Variants in MSI2 observed in about 807,000 individuals in gnomAD.
MSI2 encodes the protein musashi RNA binding protein 2.
MSI2 carries 17 observed loss-of-function variants against 45.6 expected under a neutral mutation model. The observed-to-expected ratio is 0.37, with a 90% confidence interval of 0.26 to 0.56. MSI2 has a LOEUF of 0.56. Among genes scored for constraint, MSI2 ranks in the 20% least tolerant of loss-of-function variants. The pLI, the probability that MSI2 is intolerant of heterozygous loss-of-function variation, is 0.77. For missense variants in MSI2, 293 were observed against 444.2 expected, an observed-to-expected ratio of 0.66 and a Z score of 3.06; for synonymous variants, 156 against 158.2, an observed-to-expected ratio of 0.99 and a Z score of 0.11.
At chr17:57,410,301 G>A (rs959133371) in intron 6 of MSI2, among the ~76,000 whole-genome samples, 1 of 151,488 alleles carries the variant, frequency 6.6e-6, no homozygotes, top group Non-Finnish European at 1.5e-5. Context: ...TCCTTCCTGC[G>A]TGCTCCAGAA....
intron 5 of MSI2, among the ~76,000 whole-genome samples, chr17:57,313,483 C>T (rs1021640528): frequency 6.6e-6 from 1 of 152,198 alleles, no homozygotes; most frequent in Non-Finnish European, 1.5e-5. Flanking sequence ...CCAGCTGCCT[C>T]TGAGGGCTGG....
intron 11 of MSI2, among the ~76,000 whole-genome samples, chr17:57,660,425 G>C (rs1052875921): frequency 5.3e-5 from 8 of 152,202 alleles, no homozygotes; most frequent in African/African-American, 1.7e-4. Flanking sequence ...ATGCTGATAA[G>C]AGGGGAAAAG....
In MSI2 at chr17:57,676,999, G is replaced by A. The variant is rs759553636; in HGVS notation, c.958G>A (p.Ala320Thr). The change falls in exon 13 of 14, where the codon GCA becomes ACA. Residue 320 changes from alanine (A) to threonine (T), a missense_variant. By Grantham distance (58) the Ala-to-Thr change is moderately conservative (BLOSUM62 0). Coordinates refer to ENST00000284073, the MANE Select transcript of MSI2 (RefSeq NM_138962.4). Reference sequence around the variant, plus strand: ...TGTGCAATTTTAGGGACCTTTGATTGCAACGGCCTTTACAAATGGATACCA... The same window carrying A: ...TGTGCAATTTTAGGGACCTTTGATTACAACGGCCTTTACAAATGGATACCA... ...FGHGIAGPLI[A>T]TAFTNGYH 9.9e-6 allele frequency: 16 copies of A among 1,612,706 alleles called. No individual in the cohort carries two copies. The East Asian group carries it at 3.3e-4, about 34-fold the overall frequency.
At chr17:57,527,681 C>T (rs978202386) in intron 6 of MSI2, among the ~76,000 whole-genome samples, 22 of 152,238 alleles carry the variant, frequency 1.4e-4, no homozygotes, top group African/African-American at 5.1e-4. Context: ...CCTGTTTGTT[C>T]AGGCTTGGTT....
intron 11 of MSI2, among the ~76,000 whole-genome samples, chr17:57,672,113 C>G (rs1828881177): frequency 6.6e-6 from 1 of 152,220 alleles, no homozygotes; most frequent in Admixed American, 6.5e-5. Flanking sequence ...GTCTTTCACC[C>G]CTGGCTGGGG....
chr17:57,398,584 T>A (rs1183595473), intron 5 of MSI2, among the ~76,000 whole-genome samples: 1 of 151,912 alleles, frequency 6.6e-6, no homozygotes, highest in African/African-American at 2.4e-5. Context: ...TCGCTGCGTG[T>A]TTGGTTCTGA....
Position 57,328,923 on chromosome 17 carries a change from G to T in MSI2, c.312+66731G>T, listed in dbSNP as rs561573428. Among the ~76,000 whole-genome samples the T allele has an allele frequency of 5.3e-5, 8 of 152,188 alleles. No homozygotes were observed. The East Asian group carries it at 1.5e-3, about 29-fold the overall frequency. Reference sequence around the variant, plus strand: ...CTGATTCCTCAGTCATTAGGTTTTGGGGGCCCCGATAGGAATATAAATTCA... The same window carrying T: ...CTGATTCCTCAGTCATTAGGTTTTGTGGGCCCCGATAGGAATATAAATTCA... On this transcript the variant is annotated intron_variant, in intron 5 of 13. Coordinates refer to ENST00000284073, the MANE Select transcript of MSI2 (RefSeq NM_138962.4).
At chr17:57,521,047 G>A (rs2086573415) in intron 6 of MSI2, among the ~76,000 whole-genome samples, 1 of 152,172 alleles carries the variant, frequency 6.6e-6, no homozygotes, top group African/African-American at 2.4e-5. Flanking sequence ...CAGGCTTTCA[G>A]ATGGATGCAA....
intron 5 of MSI2, chr17:57,279,265 A>G (rs1256762168): frequency 6.6e-6 from 1 of 152,294 alleles, no homozygotes; most frequent in Non-Finnish European, 1.5e-5. Flanking sequence ...CCAGGATGTG[A>G]GCTAGAGGGG....
chr17:57,661,227 G>T (rs183378541), intron 11 of MSI2, among the ~76,000 whole-genome samples: 5 of 152,236 alleles, frequency 3.3e-5, no homozygotes, highest in Admixed American at 6.5e-5. Flanking sequence ...GTCCTCTGGG[G>T]AGGACAAAAG....
intron 5 of MSI2, among the ~76,000 whole-genome samples, chr17:57,355,879 CTA>C (rs963988478): frequency 2.8e-4 from 42 of 152,076 alleles, no homozygotes; most frequent in African/African-American, 9.9e-4. Flanking sequence ...ATGACATAGG[CTA>C]TGTTTCCCAG....
chr17:57,347,020 G>T (rs1915671982), intron 5 of MSI2, among the ~76,000 whole-genome samples: 1 of 152,156 alleles, frequency 6.6e-6, no homozygotes, highest in African/African-American at 2.4e-5. Flanking sequence ...TTATCTTTAA[G>T]ATAATGCCTT....
chr17:57,641,316 T>C (rs958726273), intron 10 of MSI2, among the ~76,000 whole-genome samples: 1 of 152,140 alleles, frequency 6.6e-6, no homozygotes, highest in Non-Finnish European at 1.5e-5. Context: ...ACTTGAGCGT[T>C]TGCTGTCCTG....
intron 6 of MSI2, among the ~76,000 whole-genome samples, chr17:57,495,157 G>C (rs1300215646): frequency 6.6e-6 from 1 of 152,150 alleles, no homozygotes; most frequent in Non-Finnish European, 1.5e-5. Flanking sequence ...CCCAGCAAGT[G>C]GGAATGACTT....
chr17:57,595,731 G>A (rs1598432957), intron 7 of MSI2, among the ~76,000 whole-genome samples: 1 of 151,498 alleles, frequency 6.6e-6, no homozygotes, highest in Admixed American at 6.6e-5. Flanking sequence ...TGGGTGGGGG[G>A]TCGGGGGGCA....
At chr17:57,292,872 C>G (rs908238806) in intron 5 of MSI2, among the ~76,000 whole-genome samples, 1 of 152,170 alleles carries the variant, frequency 6.6e-6, no homozygotes, top group African/African-American at 2.4e-5. Flanking sequence ...AAGAGCCTCC[C>G]TCTCACAGGT....
intron 11 of MSI2, among the ~76,000 whole-genome samples, chr17:57,669,304 G>T (rs1912598785): frequency 6.6e-6 from 1 of 152,208 alleles, no homozygotes; most frequent in Non-Finnish European, 1.5e-5. Flanking sequence ...GTAAAGAGTG[G>T]CTGGCTGTTC....
chr17:57,530,340 T>C (rs1000983767), intron 7 of MSI2, among the ~76,000 whole-genome samples: 3 of 152,208 alleles, frequency 2.0e-5, no homozygotes, highest in Non-Finnish European at 4.4e-5. Flanking sequence ...TGTCATATGT[T>C]TATACTTTTC....
At chr17:57,427,452 G>T (rs532678091) in intron 6 of MSI2, among the ~76,000 whole-genome samples, 1 of 152,128 alleles carries the variant, frequency 6.6e-6, no homozygotes, top group South Asian at 2.1e-4. Flanking sequence ...AGGCAGGAAT[G>T]TGTACAGGAC....
Sources: gnomAD v4.1 joint callset for allele counts (sites outside exome capture counted in the v4.1 genomes callset) on GRCh38, gnomAD v4.1.1 for gene constraint, MANE v1.5 for transcripts, NCBI Gene and HGNC (gene_info 2026-07-23, HGNC 2026-07-21) for gene names.